Variants in NUDCD1 observed in about 807,000 individuals in gnomAD.
NUDCD1 encodes NudC domain containing 1.
NUDCD1 carries 60 observed loss-of-function variants against 67.8 expected under a neutral mutation model. The observed-to-expected ratio is 0.88, with a 90% CI of 0.72 to 1.10. The LOEUF is 1.10. Ranked by LOEUF, NUDCD1 falls within the 50% of genes least tolerant of loss-of-function variation. The pLI is 0.00. For synonymous variants in NUDCD1, 244 were observed against 230.8 expected (o/e 1.06, Z -0.52); for missense variants, 643 against 695.0 (o/e 0.93, Z 0.84).
chr8:109,242,985 A>G lies in NUDCD1; in HGVS notation c.*24T>C, dbSNP rs751928222. On this transcript the variant is annotated 3_prime_UTR_variant, in exon 10 of 10. Coordinates refer to ENST00000239690, the MANE Select transcript of NUDCD1 (RefSeq NM_032869.4). ...GTACCACTGAATACTTTTCCAGTAC[A>G]AAGAGGCCAATATGTTAGAATAATT... is the stretch of plus-strand genomic sequence containing the variant. The G allele has an allele frequency of 5.3e-6, 8 of 1,505,402 alleles. No individual in the cohort carries two copies. The highest frequency in any genetic ancestry group is 7.3e-6 in the Non-Finnish European group (8 of 1,091,732). The allele number at this position is 1,505,402 out of a possible 1,614,324, so 93.3% of individuals were successfully genotyped here.
chr8:109,304,397 G>A (rs1815057583), intron 2 of NUDCD1, among the ~76,000 whole-genome samples: 1 of 151,934 alleles, frequency 6.6e-6, no homozygotes, highest in Non-Finnish European at 1.5e-5. Context: ...TTTATTGATG[G>A]CAGTTCCACT....
chr8:109,253,266 G>A (rs1314062598), intron 8 of NUDCD1, among the ~76,000 whole-genome samples: 2 of 152,182 alleles, frequency 1.3e-5, no homozygotes, highest in Non-Finnish European at 2.9e-5. Context: ...GACATAGCTA[G>A]AGAGTACAGT....
intron 6 of NUDCD1, among the ~76,000 whole-genome samples, chr8:109,280,635 C>A (rs1423614728): frequency 1.3e-5 from 2 of 151,942 alleles, no homozygotes; most frequent in Non-Finnish European, 2.9e-5. Flanking sequence ...TATTATCAAG[C>A]CAGCAAACTA....
At chr8:109,299,422 G>T (rs777671847) in intron 2 of NUDCD1, among the ~76,000 whole-genome samples, 3 of 152,148 alleles carry the variant, frequency 2.0e-5, no homozygotes, top group Non-Finnish European at 4.4e-5. Flanking sequence ...GGCATGTTGG[G>T]AGTGAGACAG....
chr8:109,292,669 A>G (rs1405014802), intron 4 of NUDCD1, among the ~76,000 whole-genome samples: 1 of 152,136 alleles, frequency 6.6e-6, no homozygotes, highest in African/African-American at 2.4e-5. Context: ...AGTTAAAAAG[A>G]AAACACTCAA....
chr8:109,292,350 A>C (rs924587985), intron 4 of NUDCD1, among the ~76,000 whole-genome samples: 3 of 152,084 alleles, frequency 2.0e-5, no homozygotes, highest in Non-Finnish European at 4.4e-5. Flanking sequence ...AGAACTAATA[A>C]ATTATATTGA....
chr8:109,295,597 C>T (rs1308007849), intron 3 of NUDCD1, among the ~76,000 whole-genome samples: 2 of 152,006 alleles, frequency 1.3e-5, no homozygotes, highest in Non-Finnish European at 2.9e-5. Context: ...TAATTAAAGC[C>T]TGGTCTCTGT....
At chr8:109,316,688 TA>T (rs1210928831) in intron 2 of NUDCD1, among the ~76,000 whole-genome samples, 1 of 152,060 alleles carries the variant, frequency 6.6e-6, no homozygotes, top group Non-Finnish European at 1.5e-5. Flanking sequence ...TAATAAAAAA[TA>T]AGTGTAGTAT....
At chr8:109,322,223 A>AT in intron 2 of NUDCD1, 86 bp downstream of exon 2, 1 of 656,230 alleles carries the variant, frequency 1.5e-6, no homozygotes, top group African/African-American at 1.8e-5. Flanking sequence ...ACTTCTCTGG[A>AT]TATTAGATTC....
chr8:109,320,597 C>T (rs980055163), intron 2 of NUDCD1, among the ~76,000 whole-genome samples: 6 of 151,978 alleles, frequency 3.9e-5, no homozygotes, highest in Non-Finnish European at 5.9e-5. Flanking sequence ...GGTCCTGAGG[C>T]GATAGACATC....
chr8:109,293,050 T>C (rs1401502873), intron 4 of NUDCD1, among the ~76,000 whole-genome samples: 1 of 151,966 alleles, frequency 6.6e-6, no homozygotes, highest in African/African-American at 2.4e-5. Context: ...TATATATGCA[T>C]ATATTTTTGT....
At chr8:109,251,242 C>T (rs1259130926) in intron 8 of NUDCD1, among the ~76,000 whole-genome samples, 5 of 146,996 alleles carry the variant, frequency 3.4e-5, no homozygotes, top group East Asian at 4.0e-4. Flanking sequence ...GACACAGTCT[C>T]GGCTCACTGC....
At chr8:109,291,730 A>C (rs1814716465) in intron 4 of NUDCD1, among the ~76,000 whole-genome samples, 1 of 152,180 alleles carries the variant, frequency 6.6e-6, no homozygotes, top group African/African-American at 2.4e-5. Flanking sequence ...GGGAGAAAAA[A>C]GGTTAGTCTC....
At position 109,279,692 on chromosome 8, in the gene NUDCD1, G is replaced by T. The variant is rs541035565; in HGVS notation, c.1028+1276C>A. On this transcript the variant is annotated intron_variant, in intron 6 of 9. Transcript: ENST00000239690. ...CACTCTTATTGCCCAGGGCCGGAAA[G>T]CAATGGCCTGGTCTCGGAAACCTCC... 8.6e-5 allele frequency among the ~76,000 whole-genome samples: 13 copies of T among 152,002 alleles called. No individual in the cohort carries two copies. The South Asian group carries it at 2.7e-3, about 32-fold the overall frequency.
intron 9 of NUDCD1, among the ~76,000 whole-genome samples, chr8:109,244,619 G>A (rs1813452404): frequency 3.3e-5 from 5 of 152,014 alleles, no homozygotes; most frequent in African/African-American, 7.2e-5. Context: ...ATCAAAATAC[G>A]TAACTTCACT....
rs1019926550 is a variant in NUDCD1 at position 109,241,228 on chromosome 8, AT to A, written c.*1780del. The stretch of plus-strand genomic sequence containing the variant: ...AATTCAACATTAATCATGCAAAAAA[AT>A]CACATGCACAAAGAATATTGATTAC... On this transcript the variant is annotated 3_prime_UTR_variant, in exon 10 of 10. Transcript: ENST00000239690. 4 of 152,182 alleles carry A rather than the reference AT, an allele frequency of 2.6e-5. No individual in the cohort carries two copies. Among genetic ancestry groups the A allele is most frequent in the Non-Finnish European group, 5.9e-5 (4 of 68,028 alleles). 9.4% of individuals were successfully genotyped at this position (152,182 alleles called of 1,614,324 possible).
In NUDCD1 at chr8:109,242,365, T is replaced by A; in HGVS notation, c.*644A>T. 1 of 377,860 alleles carries A rather than the reference T, an allele frequency of 2.6e-6. No individual in the cohort carries two copies. Among genetic ancestry groups the A allele is most frequent in the Non-Finnish European group, 4.7e-6 (1 of 213,364 alleles). The allele number at this position is 377,860 out of a possible 1,614,324, so 23.4% of individuals were successfully genotyped here. A position where few individuals can be genotyped will look rare whatever the true frequency, so the allele number is the denominator to read the frequency against. On this transcript the variant is annotated 3_prime_UTR_variant, in exon 10 of 10. Transcript: ENST00000239690. ...CGTGAAAAATAATAAAAGTCCTTGT[T>A]TTAAACCACTGAGTTTTGGTGTGGT...
At chr8:109,319,760 G>C (rs1420928562) in intron 2 of NUDCD1, among the ~76,000 whole-genome samples, 1 of 152,190 alleles carries the variant, frequency 6.6e-6, no homozygotes, top group African/African-American at 2.4e-5. Context: ...TATATGCAAA[G>C]ATGAAAAGTT....
intron 8 of NUDCD1, among the ~76,000 whole-genome samples, chr8:109,254,941 G>T (rs1397593508): frequency 2.6e-5 from 4 of 152,094 alleles, no homozygotes; most frequent in African/African-American, 9.7e-5. Flanking sequence ...TATGCATCAA[G>T]TATTTAGCTG....
Sources: gnomAD v4.1 joint callset for allele counts (sites outside exome capture counted in the v4.1 genomes callset) on GRCh38, gnomAD v4.1.1 for gene constraint, MANE v1.5 for transcripts, NCBI Gene and HGNC (gene_info 2026-07-23, HGNC 2026-07-21) for gene names.